POMT1: variants seen among roughly 807,000 people sequenced by gnomAD.
POMT1 encodes the protein protein O-mannosyltransferase 1.
Under a neutral mutation model 101.6 loss-of-function variants are expected in POMT1, and 85 were observed. The observed-to-expected ratio is 0.84, with a 90% CI of 0.70 to 1.00. The LOEUF (loss-of-function observed/expected upper bound fraction) is 1.00, where lower values mean the gene tolerates loss of function less well. Ranked by LOEUF, POMT1 falls within the 50% of genes least tolerant of loss-of-function variation. The pLI is 0.00. For synonymous variants in POMT1, 371 were observed against 383.0 expected (o/e 0.97, Z 0.37); for missense variants, 857 against 930.4 (o/e 0.92, Z 1.03).
Position 131,518,438 on chromosome 9 carries a change from T to C in POMT1, c.1273-7T>C. ...AATGAAATAATCCTTGAGATGTCTT[T>C]TTGCAGGAAATTGTGAACAGAGGAT... On this transcript the variant is annotated splice_region_variant and splice_polypyrimidine_tract_variant and intron_variant, in intron 13 of 19. Transcript: ENST00000402686. 6.2e-7 allele frequency: 1 copy of C among 1,610,384 alleles called. No homozygotes were observed. Among genetic ancestry groups the C allele is most frequent in the Non-Finnish European group, 8.5e-7 (1 of 1,176,648 alleles).
chr9:131,515,810 AGCACTTCCTCTAACACAGG>A (rs1336970759), intron 13 of POMT1, among the ~76,000 whole-genome samples: 1 of 127,332 alleles, frequency 7.9e-6, no homozygotes, highest in Non-Finnish European at 1.7e-5. Context: ...CCTCACACGG[AGCACTTCCTCTAACACAGG>A]ACACTTCCTC....
At position 131,519,203 on chromosome 9, in the gene POMT1, C is replaced by T. The variant is rs766429229; in HGVS notation, c.1487-186C>T. Among the ~76,000 whole-genome samples the T allele has an allele frequency of 3.9e-5, 6 of 152,148 alleles. No individual in the cohort carries two copies. The highest frequency in any genetic ancestry group is 9.7e-5 in the African/African-American group (4 of 41,436). ...CGTGCAAGTGGAGCTTTCTCAGGGTCGAAATCACCTCATTTGACCGGGCAG... is the reference window on the plus strand; with the variant it reads ...CGTGCAAGTGGAGCTTTCTCAGGGTTGAAATCACCTCATTTGACCGGGCAG... On this transcript the variant is annotated intron_variant, in intron 15 of 19. Coordinates refer to ENST00000402686, the MANE Select transcript of POMT1 (RefSeq NM_001077365.2). This position sits in a 1 kb window ranked among gnomAD's most constrained non-coding sequence, Gnocchi z 4.3.
chr9:131,520,997 A>C, intron 17 of POMT1: 1 of 351,610 alleles, frequency 2.8e-6, no homozygotes, highest in Non-Finnish European at 5.6e-6. Flanking sequence ...GCCCACCGCA[A>C]TGCCCAGCTA....
intron 13 of POMT1, among the ~76,000 whole-genome samples, chr9:131,516,028 G>A (rs200197358): frequency 0.054 from 1,031 of 19,230 alleles, no homozygotes; most frequent in Middle Eastern, 0.12. Context: ...TTCCTCACAC[G>A]GAGCACTTCC....
intron 2 of POMT1, among the ~76,000 whole-genome samples, chr9:131,505,749 G>T (rs887756953): frequency 6.6e-6 from 1 of 151,414 alleles, no homozygotes; most frequent in African/African-American, 2.4e-5. Context: ...ATGTGCTGCT[G>T]GTGGGGGCGG....
rs1950207411 is a variant in POMT1, at chr9:131,522,762, G to A, written c.2004-170G>A. ...GAGTCATCAGGGGGCCCCTCTCAGT[G>A]CATCCAGGTGGGAGATGGTCATGGG... On this transcript the variant is annotated intron_variant, in intron 19 of 19. Coordinates refer to ENST00000402686, the MANE Select transcript of POMT1 (RefSeq NM_001077365.2). The surrounding 1 kb of genome is among the most constrained non-coding windows in gnomAD (Gnocchi z 5.5). Among the ~76,000 whole-genome samples the A allele has an allele frequency of 1.3e-5, 2 of 152,158 alleles. No homozygotes were observed. Among genetic ancestry groups the A allele is most frequent in the South Asian group, 4.1e-4 (2 of 4,828 alleles).
chr9:131,523,159 G>T lies in POMT1; in HGVS notation c.*53G>T, dbSNP rs1406945781. Reference sequence around the variant, plus strand: ...GCTGGGGTCGGGATGAGGTTGAAGGGTCTTGGTCAATGTACGTAATGAGCA... The same window carrying T: ...GCTGGGGTCGGGATGAGGTTGAAGGTTCTTGGTCAATGTACGTAATGAGCA... On this transcript the variant is annotated 3_prime_UTR_variant, in exon 20 of 20. Coordinates refer to ENST00000402686, the MANE Select transcript of POMT1 (RefSeq NM_001077365.2). 6.3e-6 allele frequency: 10 copies of T among 1,585,702 alleles called. No individual in the cohort carries two copies. The highest frequency in any genetic ancestry group is 8.6e-6 in the Non-Finnish European group (10 of 1,168,300).
rs900762841 is a variant in POMT1 at position 131,507,515 on chromosome 9, G to GA, written c.427+1_427+2insA. ...GGAGCTGCTCTGTTGATGCTTATCG[G>GA]TAAGACCTGCGCCCCTGCCTGCTCT... On this transcript the variant is annotated splice_donor_variant, in intron 5 of 19. Transcript: ENST00000402686. LOFTEE classifies it high-confidence loss of function. 1 of 1,614,092 alleles carries GA rather than the reference G, an allele frequency of 6.2e-7. No individual in the cohort carries two copies.
At chr9:131,509,692 G>A (rs1208423706) in intron 6 of POMT1, 51 bp from the exon 7 acceptor site, 1 of 1,614,024 alleles carries the variant, frequency 6.2e-7, no homozygotes, top group Non-Finnish European at 8.5e-7. Flanking sequence ...CTAGCCTTTT[G>A]GAAATGTGTC....
At position 131,523,754 on chromosome 9, in the gene POMT1, A is replaced by G. The variant is rs1323859713; in HGVS notation, c.*648A>G. ...CAAGGTGTGTCATCCATACAGCTCC[A>G]TGCCTTTGTCTTTTTTAAATGTAAT... On this transcript the variant is annotated 3_prime_UTR_variant, in exon 20 of 20. Coordinates refer to ENST00000402686, the MANE Select transcript of POMT1 (RefSeq NM_001077365.2). 6.5e-6 allele frequency: 1 copy of G among 153,632 alleles called. No individual in the cohort carries two copies. Among genetic ancestry groups the G allele is most frequent in the African/African-American group, 2.4e-5 (1 of 41,424 alleles). The allele number at this position is 153,632 out of a possible 1,614,324, so 9.5% of individuals were successfully genotyped here. A position where few individuals can be genotyped will look rare whatever the true frequency, so the allele number is the denominator to read the frequency against.
In POMT1 at chr9:131,507,424, G is replaced by T. The variant is rs772451706; in HGVS notation, c.337G>T (p.Ala113Ser). ...SLRLLPALAG[A>S]LSVPMAYQIV... is the part of the protein sequence containing the mutation. ...GCGCCTGCTGCCAGCACTCGCGGGGGCCTTGTCGGTCCCCATGGCCTACCA... is the reference window on the plus strand; with the variant it reads ...GCGCCTGCTGCCAGCACTCGCGGGGTCCTTGTCGGTCCCCATGGCCTACCA... The change falls in exon 5 of 20, where the codon GCC becomes TCC. Residue 113 changes from alanine to serine, a missense_variant. Ala to Ser is a moderately conservative substitution (Grantham distance 99). Coordinates refer to ENST00000402686, the MANE Select transcript of POMT1 (RefSeq NM_001077365.2). 8 of 1,614,074 alleles carry T rather than the reference G, an allele frequency of 5.0e-6. No individual in the cohort carries two copies. Among genetic ancestry groups the T allele is most frequent in the Non-Finnish European group, 6.8e-6 (8 of 1,180,050 alleles).
chr9:131,517,671 G>GC (rs1039742617), intron 13 of POMT1, among the ~76,000 whole-genome samples: 3 of 151,710 alleles, frequency 2.0e-5, no homozygotes, highest in African/African-American at 7.3e-5. Context: ...TTCCATCCCC[G>GC]CCCCCCCACA....
Position 131,515,730 on chromosome 9 carries a change from TGTAA to T in POMT1, c.1272+209_1272+212del, listed in dbSNP as rs1205595270. Among the ~76,000 whole-genome samples, 956 of 128,364 alleles carry T rather than the reference TGTAA, an allele frequency of 7.4e-3. 74 individuals are homozygous for T. Among genetic ancestry groups the T allele is most frequent in the Non-Finnish European group, 0.012 (711 of 57,114 alleles). 84.2% of individuals were successfully genotyped at this position (128,364 alleles called of 152,430 possible). A position where few individuals can be genotyped will look rare whatever the true frequency, so the allele number is the denominator to read the frequency against. On this transcript the variant is annotated intron_variant, in intron 13 of 19. Transcript: ENST00000402686. ...ACACTTCCTCACACGGAGCACTTCC[TGTAA>T]CAGGACACTTCCTCACACGGAGCAC... is the stretch of plus-strand genomic sequence containing the variant.
rs891300478 is a variant in POMT1 at position 131,514,691 on chromosome 9, C to T, written c.1176-735C>T. On this transcript the variant is annotated intron_variant, in intron 12 of 19. Coordinates refer to ENST00000402686, the MANE Select transcript of POMT1 (RefSeq NM_001077365.2). ...GTGTTCCTGACCGGGCGTGCTGGCT[C>T]ACACCTGTAATCCCAGCACTTTGGG... is the stretch of plus-strand genomic sequence containing the variant. Among the ~76,000 whole-genome samples, 8 of 152,254 alleles carry T rather than the reference C, an allele frequency of 5.3e-5. No homozygotes were observed. In the South Asian group the frequency reaches 1.7e-3, roughly 32 times the overall value.
intron 9 of POMT1, 111 bp from the exon 10 acceptor site, chr9:131,511,226 T>G: frequency 4.2e-6 from 5 of 1,184,026 alleles, no homozygotes; most frequent in Non-Finnish European, 6.0e-6. Flanking sequence ...GTTACAAGAA[T>G]GGCCACCAGC....
rs1176132253 is a variant in POMT1 at position 131,507,246 on chromosome 9, GT to G, written c.281-118del. On this transcript the variant is annotated intron_variant, in intron 4 of 19. Coordinates refer to ENST00000402686, the MANE Select transcript of POMT1 (RefSeq NM_001077365.2). ...CACTCTGCTGCTGATGGGGTCCCCA[GT>G]TTTGTAAACGTGCATTTTAGAGTCT... 24 of 1,506,078 alleles carry G rather than the reference GT, an allele frequency of 1.6e-5. No individual in the cohort carries two copies. The African/African-American group carries it at 2.5e-4, about 15-fold the overall frequency. The allele number at this position is 1,506,078 out of a possible 1,614,324, so 93.3% of individuals were successfully genotyped here.
Position 131,510,015 on chromosome 9 carries a change from T to C in POMT1, c.699+19T>C, listed in dbSNP as rs763483567. ...GTCCAATGTAGGTGCTGATGTCCAG[T>C]GCTGCATGAGGCCGGCCTGTATGGG... On this transcript the variant is annotated intron_variant, in intron 8 of 19. Coordinates refer to ENST00000402686, the MANE Select transcript of POMT1 (RefSeq NM_001077365.2). The C allele has an allele frequency of 6.2e-6, 10 of 1,614,214 alleles. No individual in the cohort carries two copies. The highest frequency in any genetic ancestry group is 6.8e-6 in the Non-Finnish European group (8 of 1,180,028).
intron 5 of POMT1, 129 bp downstream of exon 5, chr9:131,507,643 C>G: frequency 7.5e-7 from 1 of 1,336,892 alleles, no homozygotes; most frequent in Non-Finnish European, 1.0e-6. Context: ...AAATTTGACG[C>G]TGCAAGTCAC....
chr9:131,519,412 C>G lies in POMT1; in HGVS notation c.1510C>G (p.Arg504Gly). 6.4e-7 allele frequency: 1 copy of G among 1,552,090 alleles called. No individual in the cohort carries two copies. The change falls in exon 16 of 20, where the codon CGG becomes GGG. Residue 504 changes from arginine (R) to glycine (G), a missense_variant. Physicochemically the swap from Arg to Gly is moderately radical, Grantham distance 125. Coordinates refer to ENST00000402686, the MANE Select transcript of POMT1 (RefSeq NM_001077365.2). The surrounding 1 kb of genome is among the most constrained non-coding windows in gnomAD (Gnocchi z 4.3). ...AGGCCAGGAGCAGAGGGAGCGGGAA[C>G]GGGAGCTGCACTCACCTGCGCAGGT... ...GASQEQRERERELHSPAQVDV... is the reference protein window; with the variant it reads ...GASQEQREREGELHSPAQVDV...
Sources: allele counts gnomAD v4.1 joint callset (sites outside exome capture counted in the v4.1 genomes callset), GRCh38; gene constraint gnomAD v4.1.1; non-coding constraint Gnocchi (gnomAD v3.1); transcripts MANE v1.5; gene names NCBI Gene and HGNC (gene_info 2026-07-23, HGNC 2026-07-21).